Variants in PTK7 observed in about 807,000 individuals in gnomAD.
PTK7 encodes inactive tyrosine-protein kinase 7.
A neutral mutation model predicts 116.6 loss-of-function variants in PTK7; 39 were observed. That is an observed-to-expected ratio of 0.33 (90% CI 0.26 to 0.44). The LOEUF is 0.44. PTK7 is among the 20% of genes least tolerant of loss of function. The pLI, the probability that PTK7 is intolerant of heterozygous loss-of-function variation, is 1.00. For missense variants in PTK7, 1,169 were observed against 1,425.6 expected, an observed-to-expected ratio of 0.82 and a Z score of 2.90; for synonymous variants, 546 against 563.6, an observed-to-expected ratio of 0.97 and a Z score of 0.44.
intron 17 of PTK7, among the ~76,000 whole-genome samples, chr6:43,151,211 C>CT (rs11398367): frequency 0.45 from 63,364 of 141,770 alleles, 14,480 homozygotes; most frequent in African/African-American, 0.55. Context: ...CACCTGCCTT[C>CT]TTTTTTTTTT....
intron 1 of PTK7, among the ~76,000 whole-genome samples, chr6:43,102,091 G>A (rs1051763353): frequency 6.6e-6 from 1 of 151,844 alleles, no homozygotes; most frequent in Non-Finnish European, 1.5e-5. Context: ...TGGTGTGCTT[G>A]CCTCCAACTC....
chr6:43,109,351 C>CT (rs149506151), intron 1 of PTK7, among the ~76,000 whole-genome samples: 5,699 of 151,958 alleles, frequency 0.038, 150 homozygotes, highest in Non-Finnish European at 0.06. Context: ...GGCCTTGAAT[C>CT]TTTTTTTTCC....
chr6:43,085,381 T>G (rs1417110667), intron 1 of PTK7, among the ~76,000 whole-genome samples: 1 of 152,072 alleles, frequency 6.6e-6, no homozygotes, highest in Non-Finnish European at 1.5e-5. Context: ...CCCGAGTAGC[T>G]GGGATTATAG....
At chr6:43,089,837 T>C (rs1462724804) in intron 1 of PTK7, among the ~76,000 whole-genome samples, 1 of 152,180 alleles carries the variant, frequency 6.6e-6, no homozygotes, top group Non-Finnish European at 1.5e-5. Flanking sequence ...AAAAGGCTGT[T>C]ATTTAATAAA....
intron 17 of PTK7, among the ~76,000 whole-genome samples, chr6:43,155,342 T>TA (rs2150476979): frequency 6.6e-6 from 1 of 152,266 alleles, no homozygotes; most frequent in Admixed American, 6.5e-5. Context: ...CATTAATACA[T>TA]ACTTTTAAAA....
Position 43,144,486 on chromosome 6 carries a change from A to T in PTK7, c.2287A>T (p.Ile763Phe), listed in dbSNP as rs376864791. Reference sequence around the variant, plus strand: ...GCAGAACGGGCAGCCCTCAGCAGAGATCCAAGAAGAAGTGGCCTTGACCAG... The same window carrying T: ...GCAGAACGGGCAGCCCTCAGCAGAGTTCCAAGAAGAAGTGGCCTTGACCAG... ...PLQNGQPSAEIQEEVALTSLG... is the reference protein window; with the variant it reads ...PLQNGQPSAEFQEEVALTSLG... The change falls in exon 15 of 20, where the codon ATC becomes TTC. Residue 763 changes from isoleucine (I) to phenylalanine (F), a missense_variant. Ile to Phe is a conservative substitution (Grantham distance 21, BLOSUM62 0). Coordinates refer to ENST00000230419, the MANE Select transcript of PTK7 (RefSeq NM_002821.5). 23 of 1,613,962 alleles carry T rather than the reference A, an allele frequency of 1.4e-5. No homozygotes were observed. Among genetic ancestry groups the T allele is most frequent in the Non-Finnish European group, 1.8e-5 (21 of 1,180,016 alleles).
At chr6:43,120,661 C>T (rs770546605) in intron 1 of PTK7, among the ~76,000 whole-genome samples, 19 of 152,236 alleles carry the variant, frequency 1.2e-4, no homozygotes, top group Admixed American at 2.6e-4. Flanking sequence ...AATGGGCCCC[C>T]GTTTCTGTAA....
chr6:43,157,207 A>G (rs1771487637), intron 17 of PTK7, among the ~76,000 whole-genome samples: 2 of 146,740 alleles, frequency 1.4e-5, no homozygotes, highest in Admixed American at 1.4e-4. Context: ...GTAAGCCAGA[A>G]GTTTTCTTAC....
In PTK7 at chr6:43,159,770, G is replaced by A. The variant is rs778247170; in HGVS notation, c.2874-18G>A. The A allele has an allele frequency of 6.2e-7, 1 of 1,614,068 alleles. No homozygotes were observed. The highest frequency in any genetic ancestry group is 8.5e-7 in the Non-Finnish European group (1 of 1,179,942). On this transcript the variant is annotated intron_variant, in intron 18 of 19. Transcript: ENST00000230419. The stretch of plus-strand genomic sequence containing the variant: ...CGCTCCCACCCCACCTCACCCCTGG[G>A]TTGCTTCTCTCCTGCAGTGAGTACT...
At chr6:43,157,168 GT>G (rs553929831) in intron 17 of PTK7, among the ~76,000 whole-genome samples, 95 of 132,116 alleles carry the variant, frequency 7.2e-4, no homozygotes, top group Middle Eastern at 7.8e-3. Flanking sequence ...TTGGATTGTG[GT>G]TTTTTTTTTT....
chr6:43,118,697 GTA>G (rs1342141344), intron 1 of PTK7, among the ~76,000 whole-genome samples: 74 of 91,790 alleles, frequency 8.1e-4, no homozygotes, highest in Admixed American at 3.3e-3. Context: ...ATGTATATAT[GTA>G]TATATGTCTG....
chr6:43,145,191 T>C lies in PTK7; in HGVS notation c.2408-9T>C. Reference sequence around the variant, plus strand: ...GAAGGTGGCTGGCTGACTCAGACTGTACCCACAGGGAAGAGTGAGTTTGGG... The same window carrying C: ...GAAGGTGGCTGGCTGACTCAGACTGCACCCACAGGGAAGAGTGAGTTTGGG... On this transcript the variant is annotated splice_polypyrimidine_tract_variant and intron_variant, in intron 15 of 19. Transcript: ENST00000230419. The surrounding 1 kb of genome is among the most constrained non-coding windows in gnomAD (Gnocchi z 4.8). 1 of 1,598,474 alleles carries C rather than the reference T, an allele frequency of 6.3e-7. No individual in the cohort carries two copies. The highest frequency in any genetic ancestry group is 8.5e-7 in the Non-Finnish European group (1 of 1,171,432).
At chr6:43,089,252 C>G (rs1464200773) in intron 1 of PTK7, among the ~76,000 whole-genome samples, 1 of 152,114 alleles carries the variant, frequency 6.6e-6, no homozygotes, top group Non-Finnish European at 1.5e-5. Flanking sequence ...GTTTGTTCTT[C>G]TGCTTTGGAG....
At chr6:43,082,014 C>T (rs1011390899) in intron 1 of PTK7, among the ~76,000 whole-genome samples, 8 of 152,068 alleles carry the variant, frequency 5.3e-5, no homozygotes, top group Non-Finnish European at 1.0e-4. Context: ...AGCACCGCTA[C>T]GTATGAAGCT....
chr6:43,093,256 C>A (rs1767059342), intron 1 of PTK7, among the ~76,000 whole-genome samples: 1 of 133,468 alleles, frequency 7.5e-6, no homozygotes, highest in African/African-American at 2.9e-5. Flanking sequence ...ACGGCACAAT[C>A]TCAGCTCACT....
chr6:43,139,124 C>T lies in PTK7; in HGVS notation c.1363-12C>T. On this transcript the variant is annotated splice_polypyrimidine_tract_variant and intron_variant, in intron 8 of 19. Transcript: ENST00000230419. The surrounding 1 kb of genome is among the most constrained non-coding windows in gnomAD (Gnocchi z 4.6). ...TGGGTTCAGGCTCTGAGGCCTCTCA[C>T]CTGTGCTGCAGGACTCACGGTTCGA... 1.2e-6 allele frequency: 2 copies of T among 1,614,056 alleles called. No homozygotes were observed. The highest frequency in any genetic ancestry group is 1.7e-6 in the Non-Finnish European group (2 of 1,179,968).
At chr6:43,097,176 T>G (rs994547466) in intron 1 of PTK7, among the ~76,000 whole-genome samples, 2 of 152,098 alleles carry the variant, frequency 1.3e-5, no homozygotes, top group African/African-American at 4.8e-5. Context: ...CTTGCTGAGT[T>G]GGGGGCACCA....
chr6:43,110,189 TAC>T (rs1768118379), intron 1 of PTK7, among the ~76,000 whole-genome samples: 2 of 151,204 alleles, frequency 1.3e-5, no homozygotes, highest in Non-Finnish European at 2.9e-5. Context: ...GAATACAAAA[TAC>T]ATGCTGGCCA....
At position 43,129,009 on chromosome 6, in the gene PTK7, C is replaced by G. The variant is rs765449233; in HGVS notation, c.112C>G (p.Pro38Ala). The change falls in exon 2 of 20, where the codon CCG becomes GCG. Residue 38 changes from proline (P) to alanine (A), a missense_variant. Coordinates refer to ENST00000230419, the MANE Select transcript of PTK7 (RefSeq NM_002821.5). This position sits in a 1 kb window ranked among gnomAD's most constrained non-coding sequence, Gnocchi z 4.5. Reference protein sequence around the residue: ...TQTAIVFIKQPSSQDALQGRR... With the variant: ...TQTAIVFIKQASSQDALQGRR... Reference sequence around the variant, plus strand: ...GACAGCCATTGTCTTCATCAAGCAGCCGTCCTCCCAGGATGCACTGCAGGG... The same window carrying G: ...GACAGCCATTGTCTTCATCAAGCAGGCGTCCTCCCAGGATGCACTGCAGGG... 6.2e-7 allele frequency: 1 copy of G among 1,612,048 alleles called. No individual in the cohort carries two copies. Among genetic ancestry groups the G allele is most frequent in the Non-Finnish European group, 8.5e-7 (1 of 1,178,646 alleles).
Sources: allele counts gnomAD v4.1 joint callset (sites outside exome capture counted in the v4.1 genomes callset), GRCh38; gene constraint gnomAD v4.1.1; non-coding constraint Gnocchi (gnomAD v3.1); transcripts MANE v1.5; gene names NCBI Gene and HGNC (gene_info 2026-07-23, HGNC 2026-07-21).